The following RASAL2 variants were observed in gnomAD, a reference collection of about 807,000 sequenced individuals.
RASAL2 encodes RAS protein activator like 2.
Under a neutral mutation model 128.9 loss-of-function variants are expected in RASAL2, and 58 were observed. The observed-to-expected ratio is 0.45, with a 90% CI of 0.36 to 0.56. The LOEUF (loss-of-function observed/expected upper bound fraction) is 0.56, where lower values mean the gene tolerates loss of function less well. Among genes scored for constraint, RASAL2 ranks in the 20% least tolerant of loss-of-function variants. The probability of loss-of-function intolerance (pLI) is 0.00; values close to 1 mark genes in which losing one functional copy is unlikely to be tolerated. For synonymous variants in RASAL2, 561 were observed against 580.8 expected (o/e 0.97, Z 0.49); for missense variants, 1,360 against 1,601.6 (o/e 0.85, Z 2.57).
chr1:178,417,230 A>T (rs936962372), intron 4 of RASAL2, among the ~76,000 whole-genome samples: 1 of 151,866 alleles, frequency 6.6e-6, no homozygotes, highest in Non-Finnish European at 1.5e-5. Context: ...GGATGTTTCT[A>T]TTGATATATC....
chr1:178,220,941 A>T (rs180779629), intron 1 of RASAL2, among the ~76,000 whole-genome samples: 1 of 152,346 alleles, frequency 6.6e-6, no homozygotes, highest in Non-Finnish European at 1.5e-5. Flanking sequence ...AACACCAAAG[A>T]GTACGATTGC....
intron 1 of RASAL2, among the ~76,000 whole-genome samples, chr1:178,107,246 A>T (rs898933772): frequency 7.2e-5 from 11 of 152,162 alleles, no homozygotes; most frequent in Admixed American, 6.5e-5. Flanking sequence ...ATTGAAGTTC[A>T]CATTTACTGT....
chr1:178,237,663 C>T (rs1470288973), intron 1 of RASAL2, among the ~76,000 whole-genome samples: 1 of 152,194 alleles, frequency 6.6e-6, no homozygotes, highest in African/African-American at 2.4e-5. Flanking sequence ...ATATAACTTA[C>T]ATAACGTATT....
intron 1 of RASAL2, among the ~76,000 whole-genome samples, chr1:178,149,613 C>T (rs894034746): frequency 6.6e-6 from 1 of 151,906 alleles, no homozygotes; most frequent in Non-Finnish European, 1.5e-5. Flanking sequence ...ACAGAGTCCA[C>T]ATCTTCTTTG....
At chr1:178,279,840 G>A (rs141959763) in intron 1 of RASAL2, among the ~76,000 whole-genome samples, 1 of 152,276 alleles carries the variant, frequency 6.6e-6, no homozygotes, top group Admixed American at 6.5e-5. Flanking sequence ...AGTACTTGAA[G>A]TCTTTTCTGA....
intron 1 of RASAL2, among the ~76,000 whole-genome samples, chr1:178,119,744 G>T (rs971943496): frequency 6.6e-6 from 1 of 152,172 alleles, no homozygotes; most frequent in Admixed American, 6.5e-5. Flanking sequence ...CTGTTGCCTT[G>T]TTGTCAACAT....
chr1:178,355,920 C>G (rs998160627), intron 3 of RASAL2, among the ~76,000 whole-genome samples: 1 of 152,176 alleles, frequency 6.6e-6, no homozygotes, highest in African/African-American at 2.4e-5. Context: ...CCTGTAATCC[C>G]AGCACTTTGG....
chr1:178,339,743 T>G (rs1372214357), intron 3 of RASAL2, among the ~76,000 whole-genome samples: 1 of 152,216 alleles, frequency 6.6e-6, no homozygotes, highest in Non-Finnish European at 1.5e-5. Flanking sequence ...AGGGTTGTCT[T>G]GACTAATCCA....
chr1:178,203,352 C>T (rs28847154), intron 1 of RASAL2, among the ~76,000 whole-genome samples: 5,334 of 152,216 alleles, frequency 0.035, 277 homozygotes, highest in African/African-American at 0.12. Context: ...GTAGAATGGC[C>T]TTTTGAAGTT....
At chr1:178,276,053 C>T (rs1180090593) in intron 1 of RASAL2, among the ~76,000 whole-genome samples, 6 of 152,182 alleles carry the variant, frequency 3.9e-5, no homozygotes, top group Non-Finnish European at 8.8e-5. Context: ...ATATCTTAAA[C>T]ATATTGAATG....
intron 1 of RASAL2, among the ~76,000 whole-genome samples, chr1:178,168,404 CT>C (rs569963393): frequency 1.3e-4 from 19 of 150,930 alleles, no homozygotes; most frequent in Middle Eastern, 3.4e-3. Context: ...TACTATAAAT[CT>C]TTTTTTTTCC....
chr1:178,180,485 CAAAAAAAAAAAAAAA>C (rs71108033), intron 1 of RASAL2, among the ~76,000 whole-genome samples: 3 of 72,562 alleles, frequency 4.1e-5, no homozygotes, highest in Non-Finnish European at 7.7e-5. Context: ...TCATCTCTAC[CAAAAAAAAAAAAAAA>C]AAAAAAAAAC....
intron 1 of RASAL2, among the ~76,000 whole-genome samples, chr1:178,144,352 T>C (rs995878982): frequency 6.6e-6 from 1 of 152,230 alleles, no homozygotes; most frequent in Non-Finnish European, 1.5e-5. Flanking sequence ...GTTCAACATA[T>C]ATTACAATTT....
intron 3 of RASAL2, among the ~76,000 whole-genome samples, chr1:178,353,360 G>T (rs552472323): frequency 6.6e-6 from 1 of 152,166 alleles, no homozygotes; most frequent in Non-Finnish European, 1.5e-5. Flanking sequence ...TCAAAATTCC[G>T]TAGATCCCTA....
chr1:178,326,112 C>T (rs1327072818), intron 3 of RASAL2, among the ~76,000 whole-genome samples: 2 of 152,070 alleles, frequency 1.3e-5, no homozygotes, highest in Non-Finnish European at 2.9e-5. Context: ...GAGCAAGACC[C>T]TGCCTCTAAA....
chr1:178,100,572 T>C (rs999372816), intron 1 of RASAL2, among the ~76,000 whole-genome samples: 2 of 151,012 alleles, frequency 1.3e-5, no homozygotes, highest in Non-Finnish European at 2.9e-5. Flanking sequence ...CCTACTATAG[T>C]GAGTGAAATT....
chr1:178,122,261 C>T (rs1475828860), intron 1 of RASAL2, among the ~76,000 whole-genome samples: 1 of 152,148 alleles, frequency 6.6e-6, no homozygotes, highest in East Asian at 1.9e-4. Context: ...TATCACCGAT[C>T]TGTTTTTGTC....
At chr1:178,434,711 T>C (rs1412887949) in intron 5 of RASAL2, among the ~76,000 whole-genome samples, 1 of 151,824 alleles carries the variant, frequency 6.6e-6, no homozygotes, top group African/African-American at 2.4e-5. Flanking sequence ...TGAACAAGTC[T>C]TTGCACATAA....
At chr1:178,332,021 T>G in intron 3 of RASAL2, among the ~76,000 whole-genome samples, 1 of 152,338 alleles carries the variant, frequency 6.6e-6, no homozygotes, top group East Asian at 1.9e-4. Flanking sequence ...TTGATTATAT[T>G]CTCATTAATT....
Sources: allele counts gnomAD v4.1 joint callset (sites outside exome capture counted in the v4.1 genomes callset), GRCh38; gene constraint gnomAD v4.1.1; transcripts MANE v1.5; gene names NCBI Gene and HGNC (gene_info 2026-07-23, HGNC 2026-07-21).